Variants in SNX31 observed in about 807,000 individuals in gnomAD.
The protein encoded by SNX31 is sorting nexin-31.
SNX31 carries 58 observed loss-of-function variants against 65.4 expected under a neutral mutation model. The ratio of observed to expected loss-of-function variants is 0.89; its 90% CI spans 0.72 to 1.10. The LOEUF is 1.10. SNX31 is among the 50% of genes least tolerant of loss of function. The probability of loss-of-function intolerance (pLI) is 0.00; values close to 1 mark genes in which losing one functional copy is unlikely to be tolerated. For missense variants in SNX31, 523 were observed against 529.7 expected, an observed-to-expected ratio of 0.99 and a Z score of 0.12; for synonymous variants, 181 against 190.1, an observed-to-expected ratio of 0.95 and a Z score of 0.39.
chr8:100,641,656 A>G (rs1413457156), intron 2 of SNX31, among the ~76,000 whole-genome samples: 16 of 39,032 alleles, frequency 4.1e-4, no homozygotes, highest in South Asian at 2.0e-3. Flanking sequence ...ATATATATAT[A>G]TATGTATGGT....
chr8:100,656,911 C>A (rs926257832), intron 1 of SNX31, among the ~76,000 whole-genome samples: 3 of 152,122 alleles, frequency 2.0e-5, no homozygotes, highest in South Asian at 2.1e-4. Context: ...CCAGATGTGA[C>A]CCTGCTCTGT....
At position 100,626,903 on chromosome 8, in the gene SNX31, T is replaced by C. The variant is rs1440708947; in HGVS notation, c.321+3424A>G. Among the ~76,000 whole-genome samples, 2 of 151,598 alleles carry C rather than the reference T, an allele frequency of 1.3e-5. No homozygotes were observed. Among genetic ancestry groups the C allele is most frequent in the Admixed American group, 1.3e-4 (2 of 15,234 alleles). On this transcript the variant is annotated intron_variant, in intron 4 of 13. Transcript: ENST00000311812. This position sits in a 1 kb window ranked among gnomAD's most constrained non-coding sequence, Gnocchi z 4.4. ...TCACGGAAGAAATGGAAGAGGAAAATAAAGCCATTACAAAAGTGAAAATTG... is the reference window on the plus strand; with the variant it reads ...TCACGGAAGAAATGGAAGAGGAAAACAAAGCCATTACAAAAGTGAAAATTG...
intron 12 of SNX31, among the ~76,000 whole-genome samples, chr8:100,583,427 A>AT (rs1353311761): frequency 6.6e-6 from 1 of 150,680 alleles, no homozygotes; most frequent in Non-Finnish European, 1.5e-5. Context: ...ATTTCTAATC[A>AT]TTTAAAAAAA....
chr8:100,659,641 A>G (rs1405742155), intron 1 of SNX31, among the ~76,000 whole-genome samples: 9 of 152,116 alleles, frequency 5.9e-5, no homozygotes, highest in Non-Finnish European at 1.2e-4. Flanking sequence ...AGCAATATCC[A>G]TCCATTGTAT....
At chr8:100,645,640 C>T (rs1441949890) in intron 2 of SNX31, among the ~76,000 whole-genome samples, 3 of 126,140 alleles carry the variant, frequency 2.4e-5, no homozygotes, top group Admixed American at 9.0e-5. Context: ...GAGACAAGGT[C>T]TCACTCTGTC....
intron 1 of SNX31, among the ~76,000 whole-genome samples, chr8:100,659,853 C>T (rs1004537363): frequency 3.9e-5 from 6 of 152,062 alleles, no homozygotes; most frequent in South Asian, 2.1e-4. Flanking sequence ...TCAAGACATA[C>T]AGTTTTAGAG....
chr8:100,593,590 A>AT (rs906452437), intron 10 of SNX31, among the ~76,000 whole-genome samples: 1 of 152,008 alleles, frequency 6.6e-6, no homozygotes, highest in East Asian at 1.9e-4. Context: ...AGTAGCTGGG[A>AT]TTACAGATGC....
chr8:100,627,549 AT>A (rs111388554), intron 4 of SNX31, among the ~76,000 whole-genome samples: 57 of 151,818 alleles, frequency 3.8e-4, no homozygotes, highest in African/African-American at 1.3e-3. Context: ...ATTTAAAAAA[AT>A]TTTTTTTTCG....
At chr8:100,585,398 G>A (rs899714973) in intron 11 of SNX31, among the ~76,000 whole-genome samples, 10 of 152,132 alleles carry the variant, frequency 6.6e-5, no homozygotes, top group Non-Finnish European at 1.3e-4. Flanking sequence ...GGATGGAGAG[G>A]AGAAGGGAGG....
chr8:100,655,390 C>T (rs1820039330), intron 1 of SNX31, among the ~76,000 whole-genome samples: 1 of 152,140 alleles, frequency 6.6e-6, no homozygotes, highest in Non-Finnish European at 1.5e-5. Flanking sequence ...ATTGTAGCTC[C>T]CATAATTCTC....
chr8:100,577,225 G>T, intron 12 of SNX31, 150 bp from the exon 13 acceptor site: 1 of 628,312 alleles, frequency 1.6e-6, no homozygotes, highest in Non-Finnish European at 2.8e-6. Flanking sequence ...TGTCATCTGT[G>T]CATTCCTCTT....
chr8:100,605,019 C>A (rs1481434455), intron 8 of SNX31, among the ~76,000 whole-genome samples: 1 of 152,176 alleles, frequency 6.6e-6, no homozygotes, highest in Admixed American at 6.5e-5. Context: ...CTGCCTCGGC[C>A]TCCCGAGTAG....
At chr8:100,591,635 C>G (rs1271849337) in intron 10 of SNX31, among the ~76,000 whole-genome samples, 1 of 151,976 alleles carries the variant, frequency 6.6e-6, no homozygotes, top group Admixed American at 6.6e-5. Context: ...GAGTTCAGGA[C>G]CAGCCTGGGA....
chr8:100,596,631 A>G lies in SNX31; in HGVS notation c.978+8T>C. 6.2e-7 allele frequency: 1 copy of G among 1,613,326 alleles called. No individual in the cohort carries two copies. Among genetic ancestry groups the G allele is most frequent in the Non-Finnish European group, 8.5e-7 (1 of 1,179,214 alleles). ...GTCATGGGCAAAGCAAGGTGCCAAG[A>G]TACTCACAAGGAAAGTGACCTGCCA... On this transcript the variant is annotated splice_region_variant and intron_variant, in intron 10 of 13. Coordinates refer to ENST00000311812, the MANE Select transcript of SNX31 (RefSeq NM_152628.4).
rs1267262696 is a variant in SNX31 at position 100,622,349 on chromosome 8, C to G, written c.322-4619G>C. On this transcript the variant is annotated intron_variant, in intron 4 of 13. Coordinates refer to ENST00000311812, the MANE Select transcript of SNX31 (RefSeq NM_152628.4). The surrounding 1 kb of genome is among the most constrained non-coding windows in gnomAD (Gnocchi z 5.0). ...AAGAGAAAAAGAACTAGCATAGTAGCGTCCGCAATGGGGCATTTTCCAGGT... is the reference window on the plus strand; with the variant it reads ...AAGAGAAAAAGAACTAGCATAGTAGGGTCCGCAATGGGGCATTTTCCAGGT... 7.9e-5 allele frequency among the ~76,000 whole-genome samples: 12 copies of G among 152,100 alleles called. No individual in the cohort carries two copies. Among genetic ancestry groups the G allele is most frequent in the Admixed American group, 7.9e-4 (12 of 15,258 alleles).
chr8:100,596,768 T>C lies in SNX31; in HGVS notation c.849A>G (p.Glu283=). 2 of 1,614,112 alleles carry C rather than the reference T, an allele frequency of 1.2e-6. No individual in the cohort carries two copies. The highest frequency in any genetic ancestry group is 1.7e-6 in the Non-Finnish European group (2 of 1,180,012). The change falls in exon 10 of 14, where the codon GAA becomes GAG. Residue 283 remains glutamate, a synonymous_variant. Coordinates refer to ENST00000311812, the MANE Select transcript of SNX31 (RefSeq NM_152628.4). ...QLDPCTCDYP[E]SGSGAVLSVG... is the part of the protein sequence containing the mutation. The stretch of plus-strand genomic sequence containing the variant: ...CAGAAAGAACAGCTCCAGAGCCTGA[T>C]TCTGGGTAGTCACAGGTACAAGGAT...
intron 9 of SNX31, among the ~76,000 whole-genome samples, chr8:100,597,829 C>T (rs926089639): frequency 1.3e-5 from 2 of 152,184 alleles, no homozygotes; most frequent in South Asian, 2.1e-4. Flanking sequence ...GTCACATTAA[C>T]GTCTGTCCAG....
In SNX31 at chr8:100,609,882, T is replaced by A. The variant is rs1246427348; in HGVS notation, c.612-1319A>T. Among the ~76,000 whole-genome samples, 1 of 152,102 alleles carries A rather than the reference T, an allele frequency of 6.6e-6. No individual in the cohort carries two copies. The highest frequency in any genetic ancestry group is 1.5e-5 in the Non-Finnish European group (1 of 68,012). On this transcript the variant is annotated intron_variant, in intron 7 of 13. Transcript: ENST00000311812. This position sits in a 1 kb window ranked among gnomAD's most constrained non-coding sequence, Gnocchi z 4.9. ...ACCCTGTGGCCTGGAGGAAGCCATA[T>A]CATCATCATTGGAGAGATGCACCCA...
rs1814852371 is a variant in SNX31 at position 100,594,227 on chromosome 8, C to T, written c.978+2412G>A. 6.6e-6 allele frequency among the ~76,000 whole-genome samples: 1 copy of T among 152,130 alleles called. No individual in the cohort carries two copies. The highest frequency in any genetic ancestry group is 2.4e-5 in the African/African-American group (1 of 41,422). ...GCTGAGGCAGGAGAATCCCTTGAAC[C>T]TGGGAGGTGGAGGCTGCAGTGAGCT... On this transcript the variant is annotated intron_variant, in intron 10 of 13. Transcript: ENST00000311812. The surrounding 1 kb of genome is among the most constrained non-coding windows in gnomAD (Gnocchi z 4.0).
Sources: gnomAD v4.1 joint callset for allele counts (sites outside exome capture counted in the v4.1 genomes callset) on GRCh38, gnomAD v4.1.1 for gene constraint, Gnocchi (gnomAD v3.1) non-coding constraint, MANE v1.5 for transcripts, NCBI Gene and HGNC (gene_info 2026-07-23, HGNC 2026-07-21) for gene names.